RPH3A: variants seen among roughly 807,000 people sequenced by gnomAD.
RPH3A encodes the protein rabphilin-3A.
A neutral mutation model predicts 102.2 loss-of-function variants in RPH3A; 48 were observed. The observed-to-expected ratio is 0.47, with a 90% CI of 0.37 to 0.60. The LOEUF is 0.60. Ranked by LOEUF, RPH3A falls within the 20% of genes least tolerant of loss-of-function variation. The pLI, the probability that RPH3A is intolerant of heterozygous loss-of-function variation, is 0.00. For synonymous variants in RPH3A, 310 were observed against 324.3 expected, an observed-to-expected ratio of 0.96 and a Z score of 0.47; for missense variants, 781 against 910.1, an observed-to-expected ratio of 0.86 and a Z score of 1.83.
rs1041190682 is a variant in RPH3A, at chr12:112,845,047, G to A, written c.84-2649G>A. ...TGGCGGCTGGCCAAGAGACCAAGGT[G>A]GATGCTTCAGTGTCTTTTATGACTT... On this transcript the variant is annotated intron_variant, in intron 4 of 21. Coordinates refer to ENST00000389385, the MANE Select transcript of RPH3A (RefSeq NM_001143854.2). Among the ~76,000 whole-genome samples, 3 of 152,202 alleles carry A rather than the reference G, an allele frequency of 2.0e-5. No homozygotes were observed. The South Asian group carries it at 6.2e-4, about 32-fold the overall frequency.
chr12:112,726,553 A>G (rs1222817473), intron 1 of RPH3A, among the ~76,000 whole-genome samples: 1 of 152,214 alleles, frequency 6.6e-6, no homozygotes, highest in African/African-American at 2.4e-5. Context: ...AAAAAGCAGA[A>G]ATAATACTAC....
intron 1 of RPH3A, among the ~76,000 whole-genome samples, chr12:112,593,610 A>G (rs2039494105): frequency 6.6e-6 from 1 of 152,244 alleles, no homozygotes; most frequent in African/African-American, 2.4e-5. Context: ...CTCTACATAT[A>G]CCTACTCTTT....
chr12:112,887,325 C>T (rs2043017875), intron 16 of RPH3A, among the ~76,000 whole-genome samples: 2 of 152,230 alleles, frequency 1.3e-5, no homozygotes, highest in Non-Finnish European at 2.9e-5. Context: ...ATAAGTTATA[C>T]TGTGCATGGA....
chr12:112,894,117 C>G, intron 19 of RPH3A: 1 of 174,410 alleles, frequency 5.7e-6, no homozygotes, highest in South Asian at 1.5e-4. Flanking sequence ...TGCATCTTCC[C>G]CTTTCTGTGC....
intron 1 of RPH3A, among the ~76,000 whole-genome samples, chr12:112,741,236 G>A (rs2040706581): frequency 6.6e-6 from 1 of 152,142 alleles, no homozygotes; most frequent in Non-Finnish European, 1.5e-5. Flanking sequence ...CATTTCCTTA[G>A]CCTCTCCCAC....
At chr12:112,751,625 A>G (rs901535305) in intron 1 of RPH3A, among the ~76,000 whole-genome samples, 1 of 152,310 alleles carries the variant, frequency 6.6e-6, no homozygotes. Context: ...GCCTAAAAAT[A>G]TATGTATGAG....
intron 3 of RPH3A, among the ~76,000 whole-genome samples, chr12:112,835,186 A>G (rs2042027590): frequency 1.3e-5 from 2 of 152,192 alleles, no homozygotes; most frequent in African/African-American, 4.8e-5. Context: ...TACAGTTTTG[A>G]AGACACTATT....
chr12:112,591,401 A>G (rs73431626), intron 1 of RPH3A, among the ~76,000 whole-genome samples: 3,436 of 152,328 alleles, frequency 0.023, 118 homozygotes, highest in African/African-American at 0.077. Flanking sequence ...GCAGAGCGCC[A>G]TTCTATGGGC....
Position 112,861,642 on chromosome 12 carries a change from T to G in RPH3A, c.231-3772T>G, listed in dbSNP as rs375556585. Reference sequence around the variant, plus strand: ...TAACTGGCATAAACCACTTAATCTTTCTGTGTCTCAGTTTTCTCATGTAGT... The same window carrying G: ...TAACTGGCATAAACCACTTAATCTTGCTGTGTCTCAGTTTTCTCATGTAGT... On this transcript the variant is annotated intron_variant, in intron 5 of 21. Coordinates refer to ENST00000389385, the MANE Select transcript of RPH3A (RefSeq NM_001143854.2). 2.4e-4 allele frequency among the ~76,000 whole-genome samples: 37 copies of G among 152,288 alleles called. 1 individual carries two copies. The highest frequency in any genetic ancestry group is 1.9e-3 in the South Asian group (9 of 4,830).
chr12:112,871,599 T>C (rs1486182889), intron 10 of RPH3A, among the ~76,000 whole-genome samples: 1 of 152,086 alleles, frequency 6.6e-6, no homozygotes, highest in Non-Finnish European at 1.5e-5. Flanking sequence ...ACGGTGACTT[T>C]GAGCAGTAGG....
chr12:112,702,078 T>G (rs994158279), intron 1 of RPH3A, among the ~76,000 whole-genome samples: 2 of 152,232 alleles, frequency 1.3e-5, no homozygotes, highest in Non-Finnish European at 2.9e-5. Context: ...CTAAGCTGCC[T>G]GTATGTCTGG....
intron 1 of RPH3A, among the ~76,000 whole-genome samples, chr12:112,781,380 AC>A (rs565735666): frequency 8.8e-4 from 134 of 152,190 alleles, no homozygotes; most frequent in Admixed American, 2.1e-3. Flanking sequence ...ATTGAACACG[AC>A]TGTTCCACGT....
At chr12:112,688,639 C>T (rs780805905) in intron 1 of RPH3A, among the ~76,000 whole-genome samples, 28 of 152,094 alleles carry the variant, frequency 1.8e-4, no homozygotes, top group Admixed American at 2.6e-4. Flanking sequence ...TTACTTAGTA[C>T]CTACTAAGTG....
Position 112,898,245 on chromosome 12 carries a change from A to C in RPH3A, c.*1465A>C, listed in dbSNP as rs1466422374. 1 of 152,234 alleles carries C rather than the reference A, an allele frequency of 6.6e-6. No individual in the cohort carries two copies. Among genetic ancestry groups the C allele is most frequent in the African/African-American group, 2.4e-5 (1 of 41,454 alleles). 9.4% of individuals were successfully genotyped at this position (152,234 alleles called of 1,614,324 possible). A position where few individuals can be genotyped will look rare whatever the true frequency, so the allele number is the denominator to read the frequency against. ...ATTATTTTATAAAGGAGGAAAAGGC[A>C]ATGTGGGCAAACATTACAAATTTGA... On this transcript the variant is annotated 3_prime_UTR_variant, in exon 22 of 22. Transcript: ENST00000389385.
At chr12:112,849,566 C>A (rs904433682) in intron 5 of RPH3A, among the ~76,000 whole-genome samples, 2 of 152,136 alleles carry the variant, frequency 1.3e-5, no homozygotes, top group African/African-American at 4.8e-5. Flanking sequence ...ATGGCACTTA[C>A]CACCAGCTAT....
chr12:112,678,499 C>T (rs557188764), intron 1 of RPH3A, among the ~76,000 whole-genome samples: 7 of 151,938 alleles, frequency 4.6e-5, no homozygotes, highest in Admixed American at 6.5e-5. Flanking sequence ...GCAGAGGTAA[C>T]GAAACAAATG....
At chr12:112,889,763 G>A (rs192811880) in intron 17 of RPH3A, among the ~76,000 whole-genome samples, 1 of 152,340 alleles carries the variant, frequency 6.6e-6, no homozygotes, top group Non-Finnish European at 1.5e-5. Flanking sequence ...TAACTACTCG[G>A]ACCCTCAGCA....
At chr12:112,841,640 C>T (rs1042828177) in intron 4 of RPH3A, among the ~76,000 whole-genome samples, 2 of 151,814 alleles carry the variant, frequency 1.3e-5, no homozygotes, top group African/African-American at 2.4e-5. Flanking sequence ...TCCCCAAAGT[C>T]ACAGAGTGCC....
chr12:112,809,656 A>T (rs540418778), intron 2 of RPH3A, among the ~76,000 whole-genome samples: 63 of 152,256 alleles, frequency 4.1e-4, no homozygotes, highest in Non-Finnish European at 2.2e-4. Flanking sequence ...GGAAGAGAGT[A>T]CAATTATAAC....
Sources: gnomAD v4.1 joint callset for allele counts (sites outside exome capture counted in the v4.1 genomes callset) on GRCh38, gnomAD v4.1.1 for gene constraint, MANE v1.5 for transcripts, NCBI Gene and HGNC (gene_info 2026-07-23, HGNC 2026-07-21) for gene names.